Variants in ACSS3 observed in about 807,000 individuals in gnomAD.
ACSS3 encodes acyl-CoA synthetase short chain family member 3, also known as acyl-CoA synthetase short-chain family member 3, mitochondrial.
ACSS3 carries 64 observed loss-of-function variants against 84.2 expected under a neutral mutation model. The observed-to-expected ratio is 0.76, with a 90% CI of 0.62 to 0.94. ACSS3 has a LOEUF of 0.94. ACSS3 is among the 40% of genes least tolerant of loss of function. The pLI is 0.00. For synonymous variants in ACSS3, 317 were observed against 310.1 expected (o/e 1.02, Z -0.23); for missense variants, 815 against 867.6 (o/e 0.94, Z 0.76).
At chr12:81,178,273 A>T (rs1221178065) in intron 8 of ACSS3, among the ~76,000 whole-genome samples, 1 of 146,412 alleles carries the variant, frequency 6.8e-6, no homozygotes, top group East Asian at 2.0e-4. Context: ...ATGAGAACAC[A>T]TGGACACAGG....
At chr12:81,172,177 A>C (rs890261498) in intron 7 of ACSS3, among the ~76,000 whole-genome samples, 5 of 147,688 alleles carry the variant, frequency 3.4e-5, no homozygotes, top group Non-Finnish European at 5.9e-5. Context: ...GAGGCAGGAG[A>C]ATCCCTTGAA....
At chr12:81,095,591 A>G (rs1282623619) in intron 1 of ACSS3, among the ~76,000 whole-genome samples, 1 of 152,162 alleles carries the variant, frequency 6.6e-6, no homozygotes, top group Non-Finnish European at 1.5e-5. Flanking sequence ...GAGAATCTTT[A>G]AGATCATTCA....
intron 11 of ACSS3, among the ~76,000 whole-genome samples, chr12:81,230,226 G>T (rs1224013399): frequency 6.6e-6 from 1 of 151,744 alleles, no homozygotes; most frequent in African/African-American, 2.4e-5. Flanking sequence ...GGATCTAAAA[G>T]GTTTCTGTGT....
At chr12:81,233,930 G>T (rs960881107) in intron 13 of ACSS3, among the ~76,000 whole-genome samples, 1 of 151,428 alleles carries the variant, frequency 6.6e-6, no homozygotes, top group East Asian at 1.9e-4. Context: ...TATTCCTATG[G>T]AGTAAAATCT....
chr12:81,191,803 A>G (rs2031583937), intron 8 of ACSS3, among the ~76,000 whole-genome samples: 1 of 151,902 alleles, frequency 6.6e-6, no homozygotes, highest in Non-Finnish European at 1.5e-5. Flanking sequence ...TTTTTTTCAC[A>G]GTTGCAGTTA....
chr12:81,105,260 A>T (rs541758877), intron 1 of ACSS3, among the ~76,000 whole-genome samples: 19 of 152,354 alleles, frequency 1.2e-4, no homozygotes, highest in African/African-American at 3.8e-4. Context: ...GAAAGTTTCC[A>T]TAAATAAGTA....
chr12:81,211,191 G>T (rs1414514642), intron 9 of ACSS3, among the ~76,000 whole-genome samples: 1 of 152,088 alleles, frequency 6.6e-6, no homozygotes, highest in African/African-American at 2.4e-5. Context: ...CGTTGCCCAG[G>T]CTGGTATCAA....
chr12:81,095,250 C>G (rs1049018553), intron 1 of ACSS3, among the ~76,000 whole-genome samples: 2 of 152,220 alleles, frequency 1.3e-5, no homozygotes, highest in South Asian at 2.1e-4. Flanking sequence ...GACCACTGTT[C>G]CTAAGAGAGT....
chr12:81,188,344 G>A (rs10862261), intron 8 of ACSS3, among the ~76,000 whole-genome samples: 97,064 of 151,774 alleles, frequency 0.64, 31,874 homozygotes, highest in Non-Finnish European at 0.72. Flanking sequence ...AGGGAACTAT[G>A]CATACATTTA....
intron 1 of ACSS3, among the ~76,000 whole-genome samples, chr12:81,088,804 G>A (rs981547457): frequency 7.9e-5 from 12 of 151,766 alleles, no homozygotes; most frequent in South Asian, 2.1e-4. Flanking sequence ...CTCTGAAACC[G>A]TTTAAAGTTT....
chr12:81,086,131 A>T (rs1027327985), intron 1 of ACSS3, among the ~76,000 whole-genome samples: 11 of 152,206 alleles, frequency 7.2e-5, no homozygotes, highest in Non-Finnish European at 1.5e-4. Context: ...AGATATTTTT[A>T]AAATTACATT....
intron 8 of ACSS3, among the ~76,000 whole-genome samples, chr12:81,190,900 T>C (rs527263771): frequency 6.6e-6 from 1 of 152,184 alleles, no homozygotes; most frequent in South Asian, 2.1e-4. Flanking sequence ...TAGTGACTGA[T>C]TTTTTTAAGT....
At chr12:81,160,170 T>G (rs553330609) in intron 7 of ACSS3, among the ~76,000 whole-genome samples, 1 of 152,364 alleles carries the variant, frequency 6.6e-6, no homozygotes, top group East Asian at 1.9e-4. Flanking sequence ...TTGGTATAAT[T>G]GGTCTTGATA....
chr12:81,206,790 G>A (rs1367058959), intron 9 of ACSS3, among the ~76,000 whole-genome samples: 1 of 152,122 alleles, frequency 6.6e-6, no homozygotes, highest in Non-Finnish European at 1.5e-5. Context: ...ATAACCTTTT[G>A]TCAAATGTAA....
chr12:81,129,526 G>C (rs1291435750), intron 2 of ACSS3, among the ~76,000 whole-genome samples: 1 of 152,004 alleles, frequency 6.6e-6, no homozygotes, highest in Non-Finnish European at 1.5e-5. Flanking sequence ...TTAATATGCT[G>C]GTTCATTTTC....
At chr12:81,241,786 T>A (rs1278183307) in intron 13 of ACSS3, among the ~76,000 whole-genome samples, 2 of 152,164 alleles carry the variant, frequency 1.3e-5, no homozygotes, top group Non-Finnish European at 2.9e-5. Context: ...TTTTGTGGGT[T>A]GCCTGTTCAC....
At chr12:81,233,769 G>A (rs2033543035) in intron 13 of ACSS3, among the ~76,000 whole-genome samples, 1 of 151,560 alleles carries the variant, frequency 6.6e-6, no homozygotes, top group South Asian at 2.1e-4. Context: ...CTAGCTTCTT[G>A]ATTTACTCGT....
At chr12:81,208,945 C>T (rs913664861) in intron 9 of ACSS3, among the ~76,000 whole-genome samples, 1 of 152,032 alleles carries the variant, frequency 6.6e-6, no homozygotes, top group Non-Finnish European at 1.5e-5. Context: ...AGAATATATT[C>T]GATAAATACT....
intron 9 of ACSS3, among the ~76,000 whole-genome samples, chr12:81,214,183 G>A (rs371952595): frequency 1.3e-5 from 2 of 151,354 alleles, no homozygotes; most frequent in African/African-American, 2.4e-5. Context: ...GTACCACCAC[G>A]CCTGGCTAAT....
Sources: gnomAD v4.1 joint callset for allele counts (sites outside exome capture counted in the v4.1 genomes callset) on GRCh38, gnomAD v4.1.1 for gene constraint, MANE v1.5 for transcripts, NCBI Gene and HGNC (gene_info 2026-07-23, HGNC 2026-07-21) for gene names.